UGGT2: variants seen among roughly 807,000 people sequenced by gnomAD.
UGGT2 encodes UDP-glucose glycoprotein glucosyltransferase 2.
In UGGT2, 180 loss-of-function variants were observed where a neutral mutation model predicts 192.1. The observed-to-expected ratio is 0.94, with a 90% confidence interval of 0.83 to 1.06. The LOEUF is 1.06. Among genes scored for constraint, UGGT2 ranks in the 50% least tolerant of loss-of-function variants. The pLI is 0.00. For missense variants in UGGT2, 1,849 were observed against 1,795.7 expected, an observed-to-expected ratio of 1.03 and a Z score of -0.54; for synonymous variants, 580 against 591.0, an observed-to-expected ratio of 0.98 and a Z score of 0.27.
chr13:95,905,054 G>A (rs1477788087), intron 20 of UGGT2, among the ~76,000 whole-genome samples: 1 of 151,952 alleles, frequency 6.6e-6, no homozygotes, highest in African/African-American at 2.4e-5. Flanking sequence ...CAGTGATGAT[G>A]AGCATTTTTT....
chr13:96,002,098 T>A (rs1344665701), intron 5 of UGGT2, among the ~76,000 whole-genome samples: 1 of 152,214 alleles, frequency 6.6e-6, no homozygotes, highest in Non-Finnish European at 1.5e-5. Flanking sequence ...TTTAACAACA[T>A]GAGGGGTCAG....
chr13:95,814,107 G>C (rs186573196), intron 38 of UGGT2, among the ~76,000 whole-genome samples: 75 of 152,334 alleles, frequency 4.9e-4, no homozygotes, highest in African/African-American at 1.7e-3. Context: ...CCTCTACTAG[G>C]GAAGTATGGA....
At chr13:96,035,974 C>T (rs1207115055) in intron 1 of UGGT2, among the ~76,000 whole-genome samples, 1 of 152,176 alleles carries the variant, frequency 6.6e-6, no homozygotes, top group Non-Finnish European at 1.5e-5. Context: ...TAAATTAGTT[C>T]AACCATTGTA....
chr13:96,039,827 T>C (rs2053115868), intron 1 of UGGT2, among the ~76,000 whole-genome samples: 2 of 152,200 alleles, frequency 1.3e-5, no homozygotes, highest in Non-Finnish European at 2.9e-5. Context: ...AAGGGTTACC[T>C]TTCTTCTAGA....
intron 12 of UGGT2, among the ~76,000 whole-genome samples, chr13:95,969,293 G>A (rs1008871995): frequency 3.3e-5 from 5 of 152,160 alleles, no homozygotes; most frequent in African/African-American, 9.7e-5. Flanking sequence ...GTTTACTCTG[G>A]ACTTCACCCC....
intron 30 of UGGT2, among the ~76,000 whole-genome samples, chr13:95,864,777 G>T (rs1890494815): frequency 6.6e-6 from 1 of 152,116 alleles, no homozygotes; most frequent in African/African-American, 2.4e-5. Flanking sequence ...TTGGTTTACA[G>T]ATTAGTTTCA....
intron 4 of UGGT2, among the ~76,000 whole-genome samples, chr13:96,018,739 G>GA (rs35069819): frequency 1.0e-3 from 143 of 141,400 alleles, no homozygotes; most frequent in Middle Eastern, 7.3e-3. Flanking sequence ...TGTTATAATT[G>GA]AAAAAAAAAA....
intron 12 of UGGT2, among the ~76,000 whole-genome samples, chr13:95,958,118 T>C (rs1468000363): frequency 6.6e-6 from 1 of 152,158 alleles, no homozygotes; most frequent in Non-Finnish European, 1.5e-5. Flanking sequence ...GGCGTTTCTT[T>C]CGGGCTGCTA....
At chr13:95,960,496 C>T (rs535700429) in intron 12 of UGGT2, among the ~76,000 whole-genome samples, 113 of 151,796 alleles carry the variant, frequency 7.4e-4, no homozygotes, top group African/African-American at 2.5e-3. Context: ...TTGAAATATC[C>T]CAGTCAAATA....
At chr13:95,971,616 T>C (rs2050776198) in intron 11 of UGGT2, among the ~76,000 whole-genome samples, 1 of 152,212 alleles carries the variant, frequency 6.6e-6, no homozygotes, top group South Asian at 2.1e-4. Context: ...CACTACTTCC[T>C]TTAAACCTGT....
chr13:96,043,620 C>T (rs780320404), intron 1 of UGGT2, among the ~76,000 whole-genome samples: 2 of 152,216 alleles, frequency 1.3e-5, no homozygotes, highest in African/African-American at 2.4e-5. Context: ...CTTCAAGAGA[C>T]TTACCTATCA....
At chr13:95,824,321 A>G (rs948444807) in intron 38 of UGGT2, among the ~76,000 whole-genome samples, 1 of 152,106 alleles carries the variant, frequency 6.6e-6, no homozygotes, top group Non-Finnish European at 1.5e-5. Context: ...AGCTTCTTGT[A>G]TTTGGATATC....
intron 38 of UGGT2, among the ~76,000 whole-genome samples, chr13:95,805,611 G>A (rs1244893642): frequency 6.6e-6 from 1 of 151,882 alleles, no homozygotes; most frequent in Admixed American, 6.6e-5. Context: ...AAAAGGGAAG[G>A]AAATTCTGTC....
intron 24 of UGGT2, among the ~76,000 whole-genome samples, chr13:95,891,805 G>A (rs1439242481): frequency 6.6e-6 from 1 of 152,100 alleles, no homozygotes; most frequent in Non-Finnish European, 1.5e-5. Context: ...AGTTTCTTTG[G>A]TAGGAAAAGG....
intron 5 of UGGT2, among the ~76,000 whole-genome samples, chr13:96,006,854 G>A (rs1173506003): frequency 6.6e-6 from 1 of 152,006 alleles, no homozygotes; most frequent in Non-Finnish European, 1.5e-5. Context: ...CAAAGACAAA[G>A]AGGAAAGGCA....
rs540082659 is a variant in UGGT2 at position 95,912,701 on chromosome 13, T to C, written c.2296-9641A>G. ...AGATTCAGTGCCATCCCCATCAAGC[T>C]ACCAATGACTTTCTTCACAGAATTG... On this transcript the variant is annotated intron_variant, in intron 20 of 38. Coordinates refer to ENST00000376747, the MANE Select transcript of UGGT2 (RefSeq NM_020121.4). 1.5e-4 allele frequency among the ~76,000 whole-genome samples: 23 copies of C among 152,298 alleles called. No homozygotes were observed. The East Asian group carries it at 3.7e-3, about 24-fold the overall frequency.
chr13:95,922,411 C>T (rs781307562), intron 20 of UGGT2, among the ~76,000 whole-genome samples: 5 of 151,952 alleles, frequency 3.3e-5, no homozygotes, highest in Non-Finnish European at 7.4e-5. Flanking sequence ...CAGCATCACA[C>T]AATATGCCCA....
chr13:96,031,890 T>C lies in UGGT2; in HGVS notation c.240A>G (p.Thr80=), dbSNP rs148849921. 1.1e-5 allele frequency: 18 copies of C among 1,605,518 alleles called. No individual in the cohort carries two copies. The African/African-American group carries it at 1.2e-4, about 11-fold the overall frequency. Reference sequence around the variant, plus strand: ...AGTTAAAATTTACATATCACCTACCTGTTTGCTTATAAATTGCTAATTCTT... The same window carrying C: ...AGTTAAAATTTACATATCACCTACCCGTTTGCTTATAAATTGCTAATTCTT... ...TVQELAIYKQ[T]ESDYSYYNLI... is the part of the protein sequence containing the mutation. The change falls in exon 2 of 39, where the codon ACA becomes ACG. Residue 80 remains threonine (T), a splice_region_variant and synonymous_variant. Transcript: ENST00000376747.
chr13:95,947,230 A>G (rs1347441191), intron 14 of UGGT2, 58 bp from the exon 15 acceptor site: 1 of 1,445,242 alleles, frequency 6.9e-7, no homozygotes, highest in Non-Finnish European at 9.3e-7. Flanking sequence ...ACAATAAACC[A>G]TTATTTAGAA....
Sources: gnomAD v4.1 joint callset for allele counts (sites outside exome capture counted in the v4.1 genomes callset) on GRCh38, gnomAD v4.1.1 for gene constraint, MANE v1.5 for transcripts, NCBI Gene and HGNC (gene_info 2026-07-23, HGNC 2026-07-21) for gene names.